SYNPR: variants seen among roughly 807,000 people sequenced by gnomAD.
SYNPR encodes the protein synaptoporin.
Under a neutral mutation model 32.9 loss-of-function variants are expected in SYNPR, and 23 were observed. The ratio of observed to expected loss-of-function variants is 0.70; its 90% CI spans 0.50 to 0.99. The LOEUF (loss-of-function observed/expected upper bound fraction) is 0.99, where lower values mean the gene tolerates loss of function less well. SYNPR is among the 50% of genes least tolerant of loss of function. SYNPR has a pLI of 0.00. For missense variants in SYNPR, 318 were observed against 349.3 expected, an observed-to-expected ratio of 0.91 and a Z score of 0.71; for synonymous variants, 146 against 135.9, an observed-to-expected ratio of 1.07 and a Z score of -0.52.
chr3:63,369,948 G>C (rs947627583), intron 2 of SYNPR, among the ~76,000 whole-genome samples: 30 of 152,058 alleles, frequency 2.0e-4, no homozygotes, highest in African/African-American at 7.0e-4. Context: ...TCAGGTTCTC[G>C]TCTTATCTCA....
At chr3:63,454,773 T>A (rs959110844) in intron 2 of SYNPR, among the ~76,000 whole-genome samples, 8 of 152,224 alleles carry the variant, frequency 5.3e-5, no homozygotes, top group African/African-American at 1.9e-4. Context: ...TGTGATGTGA[T>A]GTGATGTGAT....
rs369104098 is a variant in SYNPR at position 63,317,096 on chromosome 3, G to A, written c.84+38354G>A. On this transcript the variant is annotated intron_variant, in intron 2 of 5. Transcript: ENST00000478300. ...TTTTATTCCACTGTGATCTGACAGCGTGCTTGATATAATTTTAATTTTCTT... is the reference window on the plus strand; with the variant it reads ...TTTTATTCCACTGTGATCTGACAGCATGCTTGATATAATTTTAATTTTCTT... Among the ~76,000 whole-genome samples, 499 of 151,922 alleles carry A rather than the reference G, an allele frequency of 3.3e-3. 1 individual carries two copies. Among genetic ancestry groups the A allele is most frequent in the Middle Eastern group, 0.014 (4 of 294 alleles).
At chr3:63,518,723 C>T (rs1701846607) in intron 3 of SYNPR, among the ~76,000 whole-genome samples, 1 of 152,062 alleles carries the variant, frequency 6.6e-6, no homozygotes, top group Admixed American at 6.6e-5. Flanking sequence ...TGGACTCAGC[C>T]CACCTTCACA....
chr3:63,420,418 A>G (rs976661110), intron 2 of SYNPR, among the ~76,000 whole-genome samples: 2 of 152,216 alleles, frequency 1.3e-5, no homozygotes, highest in African/African-American at 2.4e-5. Flanking sequence ...ATAAATGCAT[A>G]TATGGAAATT....
intron 2 of SYNPR, among the ~76,000 whole-genome samples, chr3:63,370,274 A>C (rs974155672): frequency 2.0e-5 from 3 of 152,204 alleles, no homozygotes; most frequent in African/African-American, 7.2e-5. Flanking sequence ...AGCTAGCCCA[A>C]GATGGGAACA....
intron 2 of SYNPR, among the ~76,000 whole-genome samples, chr3:63,376,864 TG>T (rs2087902031): frequency 6.6e-6 from 1 of 152,158 alleles, no homozygotes; most frequent in Non-Finnish European, 1.5e-5. Flanking sequence ...CCCACTAAAA[TG>T]TGTGCTTTAC....
At chr3:63,564,671 C>G (rs1455488417) in intron 4 of SYNPR, among the ~76,000 whole-genome samples, 3 of 152,168 alleles carry the variant, frequency 2.0e-5, no homozygotes, top group Admixed American at 6.5e-5. Flanking sequence ...ATACATTAAT[C>G]CATTCAAAAT....
At chr3:63,498,979 A>G (rs1351222348) in intron 3 of SYNPR, among the ~76,000 whole-genome samples, 2 of 151,836 alleles carry the variant, frequency 1.3e-5, no homozygotes, top group Non-Finnish European at 2.9e-5. Flanking sequence ...AAAAATTAAA[A>G]AAAAAAAACT....
intron 2 of SYNPR, among the ~76,000 whole-genome samples, chr3:63,428,276 A>G (rs943088458): frequency 6.6e-6 from 1 of 152,246 alleles, no homozygotes; most frequent in African/African-American, 2.4e-5. Context: ...AGAATTCATG[A>G]TCAGAAAATT....
intron 1 of SYNPR, among the ~76,000 whole-genome samples, chr3:63,245,852 T>C (rs947422809): frequency 2.0e-5 from 3 of 151,968 alleles, no homozygotes; most frequent in Admixed American, 2.0e-4. Context: ...TTTTCCCATT[T>C]TCTAACAATG....
At chr3:63,352,216 G>T (rs12487095) in intron 2 of SYNPR, among the ~76,000 whole-genome samples, 1 of 152,002 alleles carries the variant, frequency 6.6e-6, no homozygotes, top group Non-Finnish European at 1.5e-5. Flanking sequence ...AGACTTGAAG[G>T]CTTGCAAGGA....
upstream of SYNPR, among the ~76,000 whole-genome samples, chr3:63,276,547 G>T (rs1351355966): frequency 1.3e-5 from 2 of 152,112 alleles, no homozygotes; most frequent in Admixed American, 1.3e-4. Flanking sequence ...GTCTTGAAGA[G>T]GTTAAGTAAC....
chr3:63,296,358 A>T (rs1367912069), intron 2 of SYNPR, among the ~76,000 whole-genome samples: 3 of 152,204 alleles, frequency 2.0e-5, no homozygotes, highest in Non-Finnish European at 4.4e-5. Flanking sequence ...GACGTGGCCC[A>T]CAGTCTCCAG....
In SYNPR at chr3:63,494,878, A is replaced by C. The variant is rs142923513; in HGVS notation, c.209+13922A>C. Among the ~76,000 whole-genome samples the C allele has an allele frequency of 1.2e-3, 182 of 152,226 alleles. 1 individual carries two copies. The highest frequency in any genetic ancestry group is 3.9e-3 in the African/African-American group (160 of 41,550). On this transcript the variant is annotated intron_variant, in intron 3 of 5. Coordinates refer to ENST00000478300, the MANE Select transcript of SYNPR (RefSeq NM_001130003.2). Reference sequence around the variant, plus strand: ...GCCCTTGAGTTGACAAGTCCCCACAATTGCAGAGACTTCCTCCTCATTCCT... The same window carrying C: ...GCCCTTGAGTTGACAAGTCCCCACACTTGCAGAGACTTCCTCCTCATTCCT...
At chr3:63,252,901 T>C (rs1469567008) in intron 2 of SYNPR, among the ~76,000 whole-genome samples, 1 of 151,864 alleles carries the variant, frequency 6.6e-6, no homozygotes, top group Non-Finnish European at 1.5e-5. Context: ...TATCCAGGCA[T>C]GGTAGCGCTC....
At chr3:63,380,948 A>C (rs1000011324) in intron 2 of SYNPR, among the ~76,000 whole-genome samples, 1 of 152,184 alleles carries the variant, frequency 6.6e-6, no homozygotes, top group East Asian at 1.9e-4. Flanking sequence ...CCAATATCAT[A>C]CTGAATGGGC....
chr3:63,476,650 T>C (rs1435871487), intron 2 of SYNPR, among the ~76,000 whole-genome samples: 1 of 152,094 alleles, frequency 6.6e-6, no homozygotes, highest in Non-Finnish European at 1.5e-5. Flanking sequence ...GAATCCTAAC[T>C]TGGGAAGTCT....
chr3:63,396,271 G>A (rs1011623056), intron 2 of SYNPR, among the ~76,000 whole-genome samples: 2 of 152,150 alleles, frequency 1.3e-5, no homozygotes, highest in Non-Finnish European at 1.5e-5. Flanking sequence ...TCAAGATCTT[G>A]CTTCTTGGAA....
intron 5 of SYNPR, among the ~76,000 whole-genome samples, 190 bp downstream of exon 5, chr3:63,609,506 T>C (rs898950220): frequency 2.0e-5 from 3 of 152,228 alleles, no homozygotes; most frequent in Admixed American, 6.5e-5. Context: ...GAATCCATCA[T>C]TTGTAATGTT....
Sources: gnomAD v4.1 joint callset for allele counts (sites outside exome capture counted in the v4.1 genomes callset) on GRCh38, gnomAD v4.1.1 for gene constraint, MANE v1.5 for transcripts, NCBI Gene and HGNC (gene_info 2026-07-23, HGNC 2026-07-21) for gene names.